CFI: variants seen among roughly 807,000 people sequenced by gnomAD.
CFI encodes C3B/C4B inactivator.
A neutral mutation model predicts 78.8 loss-of-function variants in CFI; 66 were observed. That is an observed-to-expected ratio of 0.84 (90% confidence interval 0.69 to 1.03). The LOEUF (loss-of-function observed/expected upper bound fraction) is 1.03. Among genes scored for constraint, CFI ranks in the 50% least tolerant of loss-of-function variants. The pLI is 0.00. For synonymous variants in CFI, 250 were observed against 232.6 expected, an observed-to-expected ratio of 1.07 and a Z score of -0.68; for missense variants, 706 against 704.5, an observed-to-expected ratio of 1.00 and a Z score of -0.02.
At position 109,789,423 on chromosome 4, in the gene CFI, A is replaced by G. The variant is rs77706237; in HGVS notation, c.57+12492T>C. Among the ~76,000 whole-genome samples the G allele has an allele frequency of 7.0e-3, 1,037 of 147,664 alleles. 10 individuals carry two copies. The highest frequency in any genetic ancestry group is 0.026 in the African/African-American group (972 of 37,874). ...ACCAATAACTAAGAGAAAATCTTCA[A>G]AAGAGTCAAGGAAAAAAGACACTAT... On this transcript the variant is annotated intron_variant, in intron 1 of 12. Coordinates refer to ENST00000394634, the MANE Select transcript of CFI (RefSeq NM_000204.5).
chr4:109,764,385 T>A (rs371155780), intron 3 of CFI, 152 bp downstream of exon 3: 2 of 843,088 alleles, frequency 2.4e-6, no homozygotes, highest in South Asian at 1.4e-5. Flanking sequence ...TAAACATGAA[T>A]GCATATCATC....
In CFI at chr4:109,795,117, C is replaced by T. The variant is rs577805647; in HGVS notation, c.57+6798G>A. 3.3e-5 allele frequency among the ~76,000 whole-genome samples: 5 copies of T among 152,292 alleles called. No homozygotes were observed. In the South Asian group the frequency reaches 1.0e-3, roughly 32 times the overall value. On this transcript the variant is annotated intron_variant, in intron 1 of 12. Coordinates refer to ENST00000394634, the MANE Select transcript of CFI (RefSeq NM_000204.5). ...TTTACCCTACACAGCATACACGATGCTGAAAGAGATTCCTTTGGATCATGA... is the reference window on the plus strand; with the variant it reads ...TTTACCCTACACAGCATACACGATGTTGAAAGAGATTCCTTTGGATCATGA...
intron 1 of CFI, among the ~76,000 whole-genome samples, chr4:109,786,226 T>A (rs988110427): frequency 1.3e-5 from 2 of 152,010 alleles, no homozygotes; most frequent in African/African-American, 2.4e-5. Flanking sequence ...AGATGCTGTT[T>A]CACCATAATG....
In CFI at chr4:109,753,692, T is replaced by TTTTATATTATATATTATCTAAC. The variant is rs1561294292; in HGVS notation, c.905-1190_905-1189insGTTAGATAATATATAATATAAA. On this transcript the variant is annotated intron_variant, in intron 7 of 12. Coordinates refer to ENST00000394634, the MANE Select transcript of CFI (RefSeq NM_000204.5). ...TAATTTTATATTATATATTATATAA[T>TTTTATATTATATATTATCTAAC]GTATAATTTTATATTATATATTATA... Among the ~76,000 whole-genome samples the TTTTATATTATATATTATCTAAC allele has an allele frequency of 4.0e-4, 47 of 117,184 alleles. 3 individuals are homozygous for TTTTATATTATATATTATCTAAC. Among genetic ancestry groups the TTTTATATTATATATTATCTAAC allele is most frequent in the African/African-American group, 1.6e-3 (44 of 27,408 alleles). The allele number at this position is 117,184 out of a possible 152,430, so 76.9% of individuals were successfully genotyped here.
intron 1 of CFI, among the ~76,000 whole-genome samples, chr4:109,780,454 C>T (rs967703114): frequency 1.3e-5 from 2 of 152,180 alleles, no homozygotes; most frequent in Admixed American, 6.5e-5. Flanking sequence ...GAGATACCAT[C>T]TCACACCAGT....
downstream of CFI, among the ~76,000 whole-genome samples, chr4:109,740,542 AC>A (rs1189008803): frequency 2.0e-5 from 3 of 152,310 alleles, no homozygotes; most frequent in East Asian, 5.8e-4. Flanking sequence ...CACAAAGAAG[AC>A]AATAAATTGT....
intron 1 of CFI, among the ~76,000 whole-genome samples, chr4:109,791,053 A>G (rs895607749): frequency 6.6e-6 from 1 of 152,190 alleles, no homozygotes; most frequent in African/African-American, 2.4e-5. Context: ...GAGCTAATTT[A>G]CACTACCACT....
At chr4:109,768,693 C>A (rs1183138261) in intron 1 of CFI, among the ~76,000 whole-genome samples, 1 of 152,230 alleles carries the variant, frequency 6.6e-6, no homozygotes, top group Non-Finnish European at 1.5e-5. Flanking sequence ...GTCCTCTAGT[C>A]TCCCCTGCTG....
chr4:109,794,474 G>T, intron 1 of CFI: 1 of 152,148 alleles, frequency 6.6e-6, no homozygotes, highest in Non-Finnish European at 1.5e-5. Context: ...AACTCCAGAA[G>T]TTTTGTCTAG....
At chr4:109,781,399 C>G (rs1346207396) in intron 1 of CFI, among the ~76,000 whole-genome samples, 2 of 152,086 alleles carry the variant, frequency 1.3e-5, no homozygotes, top group African/African-American at 2.4e-5. Flanking sequence ...CGCACATAAA[C>G]TAGACTAGAA....
At chr4:109,779,001 T>C (rs1394161216) in intron 1 of CFI, among the ~76,000 whole-genome samples, 9 of 152,142 alleles carry the variant, frequency 5.9e-5, no homozygotes, top group African/African-American at 2.2e-4. Flanking sequence ...TAAGAGCTAT[T>C]TATGACAAAC....
At chr4:109,786,164 G>C (rs963548095) in intron 1 of CFI, among the ~76,000 whole-genome samples, 3 of 151,968 alleles carry the variant, frequency 2.0e-5, no homozygotes, top group African/African-American at 7.3e-5. Context: ...CTGTGTAGCT[G>C]GGATTACAAG....
intron 11 of CFI, among the ~76,000 whole-genome samples, chr4:109,743,006 A>G (rs867197862): frequency 3.1e-4 from 47 of 152,350 alleles, no homozygotes; most frequent in African/African-American, 1.1e-3. Context: ...TTAATATAAG[A>G]ACTTCAAATA....
chr4:109,752,614 C>A, intron 7 of CFI, 111 bp from the exon 8 acceptor site: 1 of 901,632 alleles, frequency 1.1e-6, no homozygotes, highest in South Asian at 1.5e-5. Flanking sequence ...AACTTATCCT[C>A]CCTTTTATAA....
chr4:109,783,973 A>G lies in CFI; in HGVS notation c.58-17149T>C, dbSNP rs1730404618. Among the ~76,000 whole-genome samples the G allele has an allele frequency of 2.0e-5, 3 of 151,510 alleles. No individual in the cohort carries two copies. In the South Asian group the frequency reaches 6.2e-4, roughly 32 times the overall value. On this transcript the variant is annotated intron_variant, in intron 1 of 12. Transcript: ENST00000394634. ...ATCGTACGTTCTCACTGATATGTGG[A>G]AGCTAAGTTATGAGAACCCAAAGAC...
chr4:109,745,687 G>A lies in CFI; in HGVS notation c.1429+535C>T, dbSNP rs114052737. Among the ~76,000 whole-genome samples, 611 of 152,250 alleles carry A rather than the reference G, an allele frequency of 4.0e-3. 6 individuals carry two copies. Among genetic ancestry groups the A allele is most frequent in the African/African-American group, 0.014 (579 of 41,544 alleles). On this transcript the variant is annotated intron_variant, in intron 11 of 12. Coordinates refer to ENST00000394634, the MANE Select transcript of CFI (RefSeq NM_000204.5). Reference sequence around the variant, plus strand: ...AGGTGCTGGGGAATAGGGAAAGAGGGAGGAGGGGAGTGAGAAGGAGGGTTG... The same window carrying A: ...AGGTGCTGGGGAATAGGGAAAGAGGAAGGAGGGGAGTGAGAAGGAGGGTTG...
chr4:109,800,149 T>C (rs1579334480), intron 1 of CFI, among the ~76,000 whole-genome samples: 1 of 152,094 alleles, frequency 6.6e-6, no homozygotes, highest in Non-Finnish European at 1.5e-5. Flanking sequence ...TTCCAGGATG[T>C]TGTCATTCTG....
intron 1 of CFI, among the ~76,000 whole-genome samples, chr4:109,797,539 C>A (rs1036672221): frequency 6.7e-6 from 1 of 149,530 alleles, no homozygotes; most frequent in African/African-American, 2.5e-5. Flanking sequence ...ACTATGACGA[C>A]AAAAGCACAG....
At chr4:109,761,456 G>A (rs1727045113) in intron 4 of CFI, 61 bp downstream of exon 4, 1 of 1,470,590 alleles carries the variant, frequency 6.8e-7, no homozygotes, top group South Asian at 1.1e-5. Flanking sequence ...TTTACTATAG[G>A]CTTGGTGTAA....
Sources: allele counts gnomAD v4.1 joint callset (sites outside exome capture counted in the v4.1 genomes callset), GRCh38; gene constraint gnomAD v4.1.1; transcripts MANE v1.5; gene names NCBI Gene and HGNC (gene_info 2026-07-23, HGNC 2026-07-21).